The following CA10 variants were observed in gnomAD, a reference collection of about 807,000 sequenced individuals.
CA10 encodes the protein carbonic anhydrase 10 (inactive).
CA10 carries 14 observed loss-of-function variants against 44.2 expected under a neutral mutation model. The ratio of observed to expected loss-of-function variants is 0.32; its 90% CI spans 0.21 to 0.50. The LOEUF (loss-of-function observed/expected upper bound fraction) is 0.50, where lower values mean the gene tolerates loss of function less well. Among genes scored for constraint, CA10 ranks in the 20% least tolerant of loss-of-function variants. The pLI is 0.99. For synonymous variants in CA10, 159 were observed against 141.6 expected, an observed-to-expected ratio of 1.12 and a Z score of -0.87; for missense variants, 350 against 409.7, an observed-to-expected ratio of 0.85 and a Z score of 1.26.
At chr17:51,869,267 A>T (rs1369275631) in intron 3 of CA10, among the ~76,000 whole-genome samples, 1 of 152,168 alleles carries the variant, frequency 6.6e-6, no homozygotes, top group Middle Eastern at 3.2e-3. Context: ...CCAATCATAA[A>T]CCATTTCAAA....
intron 3 of CA10, among the ~76,000 whole-genome samples, chr17:51,882,101 T>C (rs944696140): frequency 2.6e-5 from 4 of 151,418 alleles, no homozygotes; most frequent in Non-Finnish European, 5.9e-5. Context: ...AGAATAGAGT[T>C]ACACGGCCTG....
intron 4 of CA10, among the ~76,000 whole-genome samples, chr17:51,677,934 A>G (rs1914691094): frequency 6.6e-6 from 1 of 151,164 alleles, no homozygotes; most frequent in African/African-American, 2.4e-5. Flanking sequence ...CAAACTGAAA[A>G]CTGTACACCC....
chr17:51,683,880 G>C (rs561378153), intron 4 of CA10, among the ~76,000 whole-genome samples: 1 of 152,282 alleles, frequency 6.6e-6, no homozygotes, highest in East Asian at 1.9e-4. Flanking sequence ...GGGTTGCCTA[G>C]ATCACTCTCT....
intron 4 of CA10, among the ~76,000 whole-genome samples, chr17:51,692,692 G>C (rs559955882): frequency 6.6e-6 from 1 of 152,054 alleles, no homozygotes; most frequent in African/African-American, 2.4e-5. Flanking sequence ...TTAATTATTG[G>C]CCTATTGAAG....
intron 3 of CA10, among the ~76,000 whole-genome samples, chr17:51,834,640 C>T (rs76903997): frequency 0.05 from 7,537 of 152,246 alleles, 479 homozygotes; most frequent in African/African-American, 0.15. Flanking sequence ...GAAGCTTCCA[C>T]ATGAGGCAGG....
At chr17:51,987,016 G>A (rs1406913571) in intron 2 of CA10, among the ~76,000 whole-genome samples, 2 of 151,946 alleles carry the variant, frequency 1.3e-5, no homozygotes, top group Non-Finnish European at 2.9e-5. Context: ...TATCTACCCA[G>A]AGGAAAAAAA....
chr17:52,023,265 C>T (rs1986197707), intron 2 of CA10, among the ~76,000 whole-genome samples: 1 of 151,970 alleles, frequency 6.6e-6, no homozygotes, highest in Non-Finnish European at 1.5e-5. Flanking sequence ...CAGGCTCATA[C>T]ACCAATGGAA....
intron 1 of CA10, among the ~76,000 whole-genome samples, chr17:52,124,120 G>C (rs1470891074): frequency 6.6e-6 from 1 of 151,956 alleles, no homozygotes; most frequent in African/African-American, 2.4e-5. Context: ...TTTCACTATG[G>C]TGCTCCATCC....
intron 1 of CA10, among the ~76,000 whole-genome samples, chr17:52,107,695 T>G (rs958965310): frequency 3.3e-5 from 5 of 152,176 alleles, no homozygotes; most frequent in African/African-American, 1.2e-4. Context: ...AGCAGAAACA[T>G]TTTTTAAAAG....
intron 3 of CA10, among the ~76,000 whole-genome samples, chr17:51,828,944 C>T (rs9906988): frequency 0.058 from 8,784 of 152,172 alleles, 708 homozygotes; most frequent in African/African-American, 0.18. Context: ...TAAATGTTAG[C>T]TATTTTCATT....
chr17:51,660,018 G>A (rs369244845), intron 4 of CA10, among the ~76,000 whole-genome samples: 28 of 152,228 alleles, frequency 1.8e-4, no homozygotes, highest in African/African-American at 6.5e-4. Flanking sequence ...TCTTAGAAGG[G>A]GTCTTAGAGA....
rs187988409 is a variant in CA10 at position 52,149,535 on chromosome 17, C to T, written c.61+8191G>A. On this transcript the variant is annotated intron_variant, in intron 1 of 8. Transcript: ENST00000451037. ...ATTTGTCACCACCCAAACCTTCCCA[C>T]CCCAACCCCTGACTGCTGGAAATCC... 6.7e-4 allele frequency among the ~76,000 whole-genome samples: 102 copies of T among 152,268 alleles called. 1 individual carries two copies. In the East Asian group the frequency reaches 0.016, roughly 24 times the overall value.
rs75818212 is a variant in CA10 at position 52,098,691 on chromosome 17, C to T, written c.62-26298G>A. Among the ~76,000 whole-genome samples the T allele has an allele frequency of 2.3e-3, 352 of 152,234 alleles. 1 individual carries two copies. The highest frequency in any genetic ancestry group is 8.0e-3 in the African/African-American group (332 of 41,558). On this transcript the variant is annotated intron_variant, in intron 1 of 8. Coordinates refer to ENST00000451037, the MANE Select transcript of CA10 (RefSeq NM_020178.5). ...GCTACACTAGTTTGGAGGCTAGTGACGTCGGGAGGGGCCTGTGATACCTAC... is the reference window on the plus strand; with the variant it reads ...GCTACACTAGTTTGGAGGCTAGTGATGTCGGGAGGGGCCTGTGATACCTAC...
In CA10 at chr17:51,849,233, G is replaced by GTATATATATATATA. The variant is rs1217693250; in HGVS notation, c.279+81743_279+81756dup. On this transcript the variant is annotated intron_variant, in intron 3 of 8. Transcript: ENST00000451037. ...TATATATATATACATATATGTGTGT[G>GTATATATATATATA]TATATATATATATATATATATATAT... Among the ~76,000 whole-genome samples, 135 of 39,782 alleles carry GTATATATATATATA rather than the reference G, an allele frequency of 3.4e-3. 1 individual carries two copies. Among genetic ancestry groups the GTATATATATATATA allele is most frequent in the Admixed American group, 0.016 (50 of 3,074 alleles). 26.1% of individuals were successfully genotyped at this position (39,782 alleles called of 152,430 possible).
intron 2 of CA10, among the ~76,000 whole-genome samples, chr17:51,943,219 T>C (rs930929740): frequency 1.3e-5 from 2 of 152,200 alleles, no homozygotes; most frequent in African/African-American, 4.8e-5. Context: ...CATCCTTTAC[T>C]ATTGAAATCA....
intron 3 of CA10, among the ~76,000 whole-genome samples, chr17:51,811,838 G>C (rs899282782): frequency 1.3e-5 from 2 of 152,156 alleles, no homozygotes; most frequent in Admixed American, 1.3e-4. Context: ...CATTCTTCCA[G>C]CTGTGTAGAT....
chr17:51,886,836 TCTCACC>T (rs2143899634), intron 3 of CA10, among the ~76,000 whole-genome samples: 1 of 152,282 alleles, frequency 6.6e-6, no homozygotes, highest in African/African-American at 2.4e-5. Context: ...ATCCATCTTC[TCTCACC>T]CTGGGATTTT....
chr17:52,027,438 C>G (rs958341111), intron 2 of CA10, among the ~76,000 whole-genome samples: 1 of 152,142 alleles, frequency 6.6e-6, no homozygotes, highest in Non-Finnish European at 1.5e-5. Context: ...TTGGAATCCC[C>G]TCATCAGTTC....
At chr17:51,714,959 C>A (rs554965279) in intron 4 of CA10, among the ~76,000 whole-genome samples, 2 of 152,146 alleles carry the variant, frequency 1.3e-5, no homozygotes, top group African/African-American at 4.8e-5. Flanking sequence ...TATAAGAATT[C>A]TAGCTTTTCA....
Sources: allele counts gnomAD v4.1 joint callset (sites outside exome capture counted in the v4.1 genomes callset), GRCh38; gene constraint gnomAD v4.1.1; transcripts MANE v1.5; gene names NCBI Gene and HGNC (gene_info 2026-07-23, HGNC 2026-07-21).